The following MTMR8 variants were observed in gnomAD, a reference collection of about 807,000 sequenced individuals.
MTMR8 encodes the protein myotubularin related protein 8.
MTMR8 carries 65 observed loss-of-function variants against 39.3 expected under a neutral mutation model. The ratio of observed to expected loss-of-function variants is 1.65; its 90% CI spans 1.35 to 2.03. The LOEUF (loss-of-function observed/expected upper bound fraction) is 2.03, where lower values mean the gene tolerates loss of function less well. MTMR8 is among the 30% of genes most tolerant of loss of function. The pLI is 0.00. For missense variants in MTMR8, 777 were observed against 538.9 expected (o/e 1.44, Z -4.37); for synonymous variants, 245 against 185.2 (o/e 1.32, Z -2.62).
chrX:64,339,175 G>A (rs911216122), intron 8 of MTMR8, among the ~76,000 whole-genome samples: 1 of 111,029 alleles, frequency 9.0e-6, no homozygotes, highest in African/African-American at 3.3e-5. Context: ...TGCTGCCCAG[G>A]CAGAGACCAA....
chrX:64,376,690 C>T (rs1014217864), intron 1 of MTMR8, among the ~76,000 whole-genome samples: 2 of 112,532 alleles, frequency 1.8e-5, no homozygotes, highest in African/African-American at 6.5e-5. Flanking sequence ...AACTTGCAGC[C>T]TGGTCATGTG....
At chrX:64,346,153 G>A (rs1354138704) in intron 6 of MTMR8, among the ~76,000 whole-genome samples, 1 of 111,383 alleles carries the variant, frequency 9.0e-6, no homozygotes, top group Non-Finnish European at 1.9e-5. Flanking sequence ...TACTGTCTAC[G>A]ATAATGACCA....
intron 12 of MTMR8, among the ~76,000 whole-genome samples, chrX:64,274,241 A>G (rs1931825211): frequency 8.9e-6 from 1 of 112,461 alleles, no homozygotes; most frequent in Non-Finnish European, 1.9e-5. Context: ...GAAGATTAAA[A>G]TCATACCAAG....
intron 12 of MTMR8, among the ~76,000 whole-genome samples, chrX:64,278,121 A>C (rs1931920944): frequency 9.2e-6 from 1 of 108,683 alleles, no homozygotes; most frequent in Admixed American, 1.0e-4. Context: ...TCTAGTTAGC[A>C]ATTCCTCTAA....
At chrX:64,316,226 A>T (rs930408430) in intron 12 of MTMR8, among the ~76,000 whole-genome samples, 17 of 111,951 alleles carry the variant, frequency 1.5e-4, no homozygotes, top group Non-Finnish European at 2.8e-4. Context: ...ATGTTCCAAG[A>T]TTCCTTCTTT....
At chrX:64,298,256 C>A (rs1284966325) in intron 12 of MTMR8, among the ~76,000 whole-genome samples, 2 of 103,959 alleles carry the variant, frequency 1.9e-5, no homozygotes, top group African/African-American at 3.6e-5. Flanking sequence ...CTTTTATTTC[C>A]TTGAGCAGTG....
intron 12 of MTMR8, among the ~76,000 whole-genome samples, chrX:64,278,415 G>C (rs1931926266): frequency 1.1e-5 from 1 of 92,641 alleles, no homozygotes; most frequent in African/African-American, 4.3e-5. Context: ...TGGGGTTTCT[G>C]TGTGGATGTC....
chrX:64,342,753 C>A (rs765116226), intron 8 of MTMR8, among the ~76,000 whole-genome samples: 2 of 111,854 alleles, frequency 1.8e-5, no homozygotes, highest in African/African-American at 3.3e-5. Context: ...ATCTTCAAAC[C>A]TTTTAAGCCA....
chrX:64,350,377 C>T (rs1432119073), intron 4 of MTMR8, among the ~76,000 whole-genome samples: 1 of 110,988 alleles, frequency 9.0e-6, no homozygotes, highest in African/African-American at 3.3e-5. Context: ...CACTTGTTTA[C>T]AGTTATTGTT....
intron 12 of MTMR8, among the ~76,000 whole-genome samples, chrX:64,295,329 T>C (rs1220917003): frequency 1.8e-5 from 2 of 111,620 alleles, no homozygotes; most frequent in African/African-American, 6.5e-5. Context: ...AATTCTTTTT[T>C]TCTCTCACAA....
intron 12 of MTMR8, among the ~76,000 whole-genome samples, chrX:64,306,910 A>G (rs1205967203): frequency 1.8e-5 from 2 of 110,836 alleles, no homozygotes; most frequent in Non-Finnish European, 3.8e-5. Context: ...CTCTCCCTGT[A>G]CAACTCCCTT....
chrX:64,376,203 A>G (rs1924262966), intron 1 of MTMR8, among the ~76,000 whole-genome samples: 1 of 112,374 alleles, frequency 8.9e-6, no homozygotes, highest in Non-Finnish European at 1.9e-5. Flanking sequence ...GTACCAGAAA[A>G]GAAGAACATT....
At chrX:64,315,378 C>T (rs1213004978) in intron 12 of MTMR8, among the ~76,000 whole-genome samples, 4 of 111,750 alleles carry the variant, frequency 3.6e-5, no homozygotes, top group Non-Finnish European at 7.5e-5. Context: ...TTCCCTCTGC[C>T]TACTCTCAGT....
intron 1 of MTMR8, among the ~76,000 whole-genome samples, chrX:64,384,091 G>T (rs1924498976): frequency 8.9e-6 from 1 of 111,875 alleles, no homozygotes; most frequent in African/African-American, 3.3e-5. Flanking sequence ...CAAAAGAAAG[G>T]AGTTATAGGC....
At chrX:64,287,911 G>A (rs1921246272) in intron 12 of MTMR8, among the ~76,000 whole-genome samples, 1 of 100,923 alleles carries the variant, frequency 9.9e-6, no homozygotes. Flanking sequence ...CATGGGCAAG[G>A]ACTTGATGTC....
At chrX:64,387,680 G>A (rs903433876) in intron 1 of MTMR8, among the ~76,000 whole-genome samples, 1 of 106,961 alleles carries the variant, frequency 9.3e-6, no homozygotes, top group African/African-American at 3.4e-5. Context: ...GGGGTTGGGG[G>A]TGAGGGGAAG....
chrX:64,386,646 G>T lies in MTMR8; in HGVS notation c.24+8694C>A, dbSNP rs182563211. The stretch of plus-strand genomic sequence containing the variant: ...ATGGGTATAAACCATTTCCTTACCT[G>T]ATGGGGAAGCTGCAGGGAGGCATTG... On this transcript the variant is annotated intron_variant, in intron 1 of 13. Coordinates refer to ENST00000374852, the MANE Select transcript of MTMR8 (RefSeq NM_017677.4). Among the ~76,000 whole-genome samples, 87 of 112,109 alleles carry T rather than the reference G, an allele frequency of 7.8e-4. No homozygotes were observed. In the Admixed American group the frequency reaches 8.2e-3, roughly 11 times the overall value.
chrX:64,318,700 G>T (rs1334691689), intron 12 of MTMR8, among the ~76,000 whole-genome samples: 11 of 99,318 alleles, frequency 1.1e-4, no homozygotes, highest in South Asian at 4.4e-4. Context: ...GGTTTGGTTT[G>T]GTTTTTTGTT....
At chrX:64,321,126 C>T (rs1440014246) in intron 12 of MTMR8, among the ~76,000 whole-genome samples, 1 of 111,377 alleles carries the variant, frequency 9.0e-6, no homozygotes, top group East Asian at 2.8e-4. Flanking sequence ...AATATTGAAA[C>T]TACCCAGTTT....
Sources: allele counts gnomAD v4.1 joint callset (sites outside exome capture counted in the v4.1 genomes callset), GRCh38; gene constraint gnomAD v4.1.1; transcripts MANE v1.5; gene names NCBI Gene and HGNC (gene_info 2026-07-23, HGNC 2026-07-21).